PTPRD: variants seen among roughly 807,000 people sequenced by gnomAD.
PTPRD encodes receptor-type tyrosine-protein phosphatase delta.
Under a neutral mutation model 214.5 loss-of-function variants are expected in PTPRD, and 34 were observed. The observed-to-expected ratio is 0.16, with a 90% CI of 0.12 to 0.21. The LOEUF (loss-of-function observed/expected upper bound fraction) is 0.21. Among genes scored for constraint, PTPRD ranks in the 10% least tolerant of loss-of-function variants. The pLI is 1.00. For synonymous variants in PTPRD, 1,128 were observed against 845.7 expected (o/e 1.33, Z -5.79); for missense variants, 2,545 against 2,398.7 (o/e 1.06, Z -1.27).
intron 12 of PTPRD, among the ~76,000 whole-genome samples, chr9:8,724,448 T>G (rs956593765): frequency 6.6e-6 from 1 of 152,194 alleles, no homozygotes; most frequent in African/African-American, 2.4e-5. Flanking sequence ...AACTAGCCTC[T>G]TAACAGATCT....
chr9:9,526,699 T>G (rs2074210428), intron 8 of PTPRD, among the ~76,000 whole-genome samples: 1 of 152,134 alleles, frequency 6.6e-6, no homozygotes, highest in Admixed American at 6.5e-5. Context: ...GAAATATGCT[T>G]CTAAGAAAGA....
chr9:8,815,124 TTTCTC>T, intron 11 of PTPRD, among the ~76,000 whole-genome samples: 1 of 152,214 alleles, frequency 6.6e-6, no homozygotes, highest in East Asian at 1.9e-4. Flanking sequence ...TTTTTTTCAT[TTTCTC>T]TTCATTTTTA....
intron 14 of PTPRD, among the ~76,000 whole-genome samples, chr9:8,611,654 G>A (rs1368250045): frequency 6.6e-6 from 1 of 151,572 alleles, no homozygotes; most frequent in African/African-American, 2.4e-5. Flanking sequence ...GCAATGACCT[G>A]TGTGTGATCC....
intron 9 of PTPRD, among the ~76,000 whole-genome samples, chr9:9,189,261 A>G (rs1416151606): frequency 2.0e-5 from 3 of 152,058 alleles, no homozygotes; most frequent in Non-Finnish European, 2.9e-5. Context: ...GTTGAAAGAG[A>G]TCTTGAACAA....
chr9:9,425,593 T>C (rs563490319), intron 8 of PTPRD, among the ~76,000 whole-genome samples: 1,709 of 128,568 alleles, frequency 0.013, 27 homozygotes, highest in African/African-American at 0.044. Flanking sequence ...GCTGACACAA[T>C]GTGGAAAGCA....
At position 9,448,660 on chromosome 9, in the gene PTPRD, C is replaced by T. The variant is rs139338716; in HGVS notation, c.-236-51178G>A. The stretch of plus-strand genomic sequence containing the variant: ...GATGCCCTGCTCTAAGAGTTACACA[C>T]ATAATAGGGAAGAAAACAGGTCAGC... On this transcript the variant is annotated intron_variant, in intron 8 of 45. Transcript: ENST00000381196. Among the ~76,000 whole-genome samples, 210 of 152,098 alleles carry T rather than the reference C, an allele frequency of 1.4e-3. 1 individual carries two copies. The highest frequency in any genetic ancestry group is 4.7e-3 in the African/African-American group (196 of 41,510).
chr9:8,629,584 T>G (rs1403654230), intron 14 of PTPRD, among the ~76,000 whole-genome samples: 1 of 151,822 alleles, frequency 6.6e-6, no homozygotes, highest in Middle Eastern at 3.2e-3. Context: ...CCACAATTAG[T>G]TAAGGCACAG....
intron 2 of PTPRD, among the ~76,000 whole-genome samples, chr9:10,381,039 C>T (rs530085861): frequency 8.6e-5 from 13 of 151,594 alleles, no homozygotes; most frequent in Non-Finnish European, 1.8e-4. Flanking sequence ...TAGTAGGACG[C>T]TCAACTCAGT....
At chr9:8,841,151 A>G (rs1050889245) in intron 11 of PTPRD, among the ~76,000 whole-genome samples, 1 of 152,186 alleles carries the variant, frequency 6.6e-6, no homozygotes, top group Non-Finnish European at 1.5e-5. Flanking sequence ...GACCATCAAG[A>G]TTTAGATCTG....
Position 8,496,563 on chromosome 9 carries a change from C to T in PTPRD, c.2349+679G>A, listed in dbSNP as rs116852829. ...TATTTTAAAAACATTCCTCCCTCAG[C>T]GACATACTTTCTACTTCTTGGCATA... On this transcript the variant is annotated intron_variant, in intron 26 of 45. Coordinates refer to ENST00000381196, the MANE Select transcript of PTPRD (RefSeq NM_002839.4). 8.8e-3 allele frequency among the ~76,000 whole-genome samples: 1,336 copies of T among 152,274 alleles called. 15 individuals carry two copies. The highest frequency in any genetic ancestry group is 0.026 in the African/African-American group (1,092 of 41,564).
rs771380815 is a variant in PTPRD, at chr9:8,341,921, T to C, written c.4719A>G (p.Ile1573Met). Residue 1573 changes from isoleucine to methionine, a missense_variant, in exon 40 of 46, where the codon ATA (isoleucine) becomes ATG (methionine). Physicochemically the swap from Ile to Met is conservative, Grantham distance 10. Coordinates refer to ENST00000381196, the MANE Select transcript of PTPRD (RefSeq NM_002839.4). ...FIVIDAMLER[I>M]KHEKTVDIYG... is the part of the protein sequence containing the mutation. ...AAATATCTACAGTTTTTTCATGCTT[T>C]ATTCTTTCTAACATGGCATCTATGA... 11 of 1,613,138 alleles carry C rather than the reference T, an allele frequency of 6.8e-6. No individual in the cohort carries two copies. Among genetic ancestry groups the C allele is most frequent in the African/African-American group, 4.0e-5 (3 of 74,846 alleles).
chr9:10,369,066 G>C (rs548271400), intron 2 of PTPRD, among the ~76,000 whole-genome samples: 111 of 152,018 alleles, frequency 7.3e-4, no homozygotes, highest in African/African-American at 2.6e-3. Flanking sequence ...TCTCAACTTA[G>C]GCATGCACCA....
At chr9:9,423,799 T>C (rs2079759516) in intron 8 of PTPRD, among the ~76,000 whole-genome samples, 1 of 152,078 alleles carries the variant, frequency 6.6e-6, no homozygotes, top group Admixed American at 6.6e-5. Context: ...ATTGGTGATT[T>C]GAAACATAAA....
intron 27 of PTPRD, among the ~76,000 whole-genome samples, chr9:8,488,130 G>T (rs1056362877): frequency 6.6e-6 from 1 of 151,740 alleles, no homozygotes; most frequent in Non-Finnish European, 1.5e-5. Context: ...TATAGATGAA[G>T]GTAAAAAAAT....
At chr9:8,320,258 G>A in intron 44 of PTPRD, among the ~76,000 whole-genome samples, 2 of 152,108 alleles carry the variant, frequency 1.3e-5, no homozygotes, top group South Asian at 4.1e-4. Context: ...AAAAGAAAGG[G>A]TAAATAACAT....
chr9:8,341,605 A>T, intron 40 of PTPRD, 88 bp downstream of exon 40: 1 of 1,452,398 alleles, frequency 6.9e-7, no homozygotes, highest in Middle Eastern at 1.8e-4. Flanking sequence ...GTACTTCACA[A>T]ATTTGAAAGG....
chr9:9,364,438 G>T (rs1469009309), intron 9 of PTPRD, among the ~76,000 whole-genome samples: 1 of 151,448 alleles, frequency 6.6e-6, no homozygotes, highest in African/African-American at 2.4e-5. Context: ...GACATGGACA[G>T]TTGCAATTTT....
intron 7 of PTPRD, among the ~76,000 whole-genome samples, chr9:9,674,388 GAAC>G (rs2096889788): frequency 6.7e-6 from 1 of 150,288 alleles, no homozygotes; most frequent in Admixed American, 6.6e-5. Flanking sequence ...TGAAAGATGG[GAAC>G]AACAACATTA....
intron 3 of PTPRD, among the ~76,000 whole-genome samples, chr9:10,332,746 G>A (rs539574284): frequency 6.6e-6 from 1 of 151,798 alleles, no homozygotes; most frequent in East Asian, 2.0e-4. Flanking sequence ...CAACAGAGCT[G>A]CATTCTGAAC....
Sources: allele counts gnomAD v4.1 joint callset (sites outside exome capture counted in the v4.1 genomes callset), GRCh38; gene constraint gnomAD v4.1.1; transcripts MANE v1.5; gene names NCBI Gene and HGNC (gene_info 2026-07-23, HGNC 2026-07-21).